DHTKD1: variants seen among roughly 807,000 people sequenced by gnomAD.
The protein encoded by DHTKD1 is 2-oxoadipate dehydrogenase complex component E1.
DHTKD1 carries 78 observed loss-of-function variants against 101.8 expected under a neutral mutation model. The ratio of observed to expected loss-of-function variants is 0.77; its 90% CI spans 0.64 to 0.93. The LOEUF (loss-of-function observed/expected upper bound fraction) is 0.93. Among genes scored for constraint, DHTKD1 ranks in the 40% least tolerant of loss-of-function variants. The probability of loss-of-function intolerance (pLI) is 0.00; values close to 1 mark genes in which losing one functional copy is unlikely to be tolerated. For missense variants in DHTKD1, 1,223 were observed against 1,161.7 expected, an observed-to-expected ratio of 1.05 and a Z score of -0.77; for synonymous variants, 462 against 450.3, an observed-to-expected ratio of 1.03 and a Z score of -0.33.
At chr10:12,069,708 T>TCC (rs1832625340) in intron 1 of DHTKD1, among the ~76,000 whole-genome samples, 2 of 139,004 alleles carry the variant, frequency 1.4e-5, no homozygotes, top group African/African-American at 5.3e-5. Context: ...TTTTTTTTTT[T>TCC]TTCATTTTTA....
intron 1 of DHTKD1, among the ~76,000 whole-genome samples, chr10:12,070,258 C>T (rs767382992): frequency 1.3e-5 from 2 of 152,092 alleles, no homozygotes; most frequent in African/African-American, 2.4e-5. Flanking sequence ...GGTTTACGCT[C>T]CAAAATTATT....
At chr10:12,095,270 T>C (rs1255169692) in intron 7 of DHTKD1, among the ~76,000 whole-genome samples, 1 of 152,186 alleles carries the variant, frequency 6.6e-6, no homozygotes, top group Non-Finnish European at 1.5e-5. Flanking sequence ...GTAAGGATAA[T>C]ACACACACCA....
At chr10:12,114,399 C>G (rs980469649) in intron 13 of DHTKD1, among the ~76,000 whole-genome samples, 2 of 151,636 alleles carry the variant, frequency 1.3e-5, no homozygotes, top group Non-Finnish European at 2.9e-5. Context: ...CGGGTTCAAG[C>G]GATTCTCCTG....
chr10:12,113,631 T>C (rs1170546035), intron 13 of DHTKD1, among the ~76,000 whole-genome samples: 1 of 152,182 alleles, frequency 6.6e-6, no homozygotes, highest in Non-Finnish European at 1.5e-5. Flanking sequence ...TTAGAAAAGC[T>C]TTTAGGCTAT....
At chr10:12,071,538 G>A (rs755989806) in intron 1 of DHTKD1, among the ~76,000 whole-genome samples, 3 of 152,172 alleles carry the variant, frequency 2.0e-5, no homozygotes, top group Non-Finnish European at 4.4e-5. Context: ...TTGGGAGGCC[G>A]AGGTGGGCGG....
intron 2 of DHTKD1, among the ~76,000 whole-genome samples, chr10:12,083,776 GGCAT>G (rs1381471598): frequency 2.0e-5 from 3 of 152,138 alleles, no homozygotes; most frequent in African/African-American, 7.2e-5. Flanking sequence ...AACAAAACTT[GGCAT>G]AAAGCAGCAG....
intron 7 of DHTKD1, among the ~76,000 whole-genome samples, chr10:12,096,917 T>C (rs1220364031): frequency 2.0e-5 from 3 of 152,228 alleles, no homozygotes. Context: ...GGGTCAGTCT[T>C]GGAAATAATT....
chr10:12,113,466 G>A (rs1833368216), intron 13 of DHTKD1, among the ~76,000 whole-genome samples: 1 of 152,176 alleles, frequency 6.6e-6, no homozygotes, highest in Non-Finnish European at 1.5e-5. Flanking sequence ...CCAAAGTGCT[G>A]GGATTGCAGG....
chr10:12,085,926 A>G (rs1832890427), intron 3 of DHTKD1, among the ~76,000 whole-genome samples: 1 of 152,116 alleles, frequency 6.6e-6, no homozygotes, highest in South Asian at 2.1e-4. Flanking sequence ...ATAAAAAAAC[A>G]TAGTTCTTAA....
intron 2 of DHTKD1, 130 bp downstream of exon 2, chr10:12,081,757 T>C (rs2131352435): frequency 1.0e-6 from 1 of 970,706 alleles, no homozygotes; most frequent in Non-Finnish European, 1.5e-6. Context: ...CCGAGGGGCA[T>C]GTTGAAGTAC....
intron 2 of DHTKD1, among the ~76,000 whole-genome samples, chr10:12,082,616 CTTT>C (rs71382616): frequency 6.9e-6 from 1 of 144,946 alleles, no homozygotes; most frequent in Non-Finnish European, 1.5e-5. Context: ...TCTCTTTTTT[CTTT>C]TTTTTTTTTG....
At chr10:12,098,088 T>C in intron 8 of DHTKD1, 92 bp downstream of exon 8, 1 of 1,204,502 alleles carries the variant, frequency 8.3e-7, no homozygotes, top group Non-Finnish European at 1.2e-6. Context: ...GTCTGATTCA[T>C]TTGACAAATA....
chr10:12,100,288 T>TTTTTTTTTTG, intron 9 of DHTKD1, 26 bp downstream of exon 9: 5 of 698,758 alleles, frequency 7.2e-6, no homozygotes, highest in Non-Finnish European at 6.2e-6. Flanking sequence ...TTTTTTTCTG[T>TTTTTTTTTTG]TTTTTTTTTT....
chr10:12,119,628 A>G (rs1049274748), intron 15 of DHTKD1, among the ~76,000 whole-genome samples: 9 of 151,342 alleles, frequency 5.9e-5, no homozygotes, highest in Non-Finnish European at 1.3e-4. Context: ...AAAAAAAAAA[A>G]AAAAAAAGAA....
intron 1 of DHTKD1, among the ~76,000 whole-genome samples, chr10:12,070,387 G>C (rs1832634912): frequency 6.6e-6 from 1 of 152,076 alleles, no homozygotes; most frequent in Non-Finnish European, 1.5e-5. Context: ...TCGGCATCTG[G>C]GCACCTGACC....
intron 7 of DHTKD1, among the ~76,000 whole-genome samples, chr10:12,094,868 C>T (rs559218402): frequency 1.5e-4 from 23 of 150,854 alleles, no homozygotes; most frequent in Middle Eastern, 3.6e-3. Context: ...CTCAAACTCC[C>T]GGTCTCAAGT....
rs1468339176 is a variant in DHTKD1, at chr10:12,097,913, C to T, written c.1588C>T (p.Leu530Phe). ...TTWSTGVPLDLLRFVGMKSVE... is the reference protein window; with the variant it reads ...TTWSTGVPLDFLRFVGMKSVE... The stretch of plus-strand genomic sequence containing the variant: ...CTGGAGTACAGGTGTGCCCCTCGAC[C>T]TCCTGCGGTTTGTTGGCATGAAGTC... Residue 530 changes from leucine (L) to phenylalanine (F), a missense_variant, in exon 8 of 17, where the codon CTC becomes TTC. Leu to Phe is a conservative substitution (Grantham distance 22, BLOSUM62 0). Coordinates refer to ENST00000263035, the MANE Select transcript of DHTKD1 (RefSeq NM_018706.7). 3 of 1,614,092 alleles carry T rather than the reference C, an allele frequency of 1.9e-6. No individual in the cohort carries two copies. The highest frequency in any genetic ancestry group is 2.2e-5 in the East Asian group (1 of 44,898).
At position 12,081,767 on chromosome 10, in the gene DHTKD1, C is replaced by T. The variant is rs778225434; in HGVS notation, c.310+140C>T. On this transcript the variant is annotated intron_variant, in intron 2 of 16. Transcript: ENST00000263035. ...GAGACCCGAGGGGCATGTTGAAGTA[C>T]GGTCCGGGAGGAGCATTCTTGGGAT... 2.1e-4 allele frequency: 182 copies of T among 859,026 alleles called. 1 individual carries two copies. The highest frequency in any genetic ancestry group is 2.9e-4 in the Non-Finnish European group (164 of 562,640). 53.2% of individuals were successfully genotyped at this position (859,026 alleles called of 1,614,324 possible).
At chr10:12,105,716 C>T (rs1463924415) in intron 10 of DHTKD1, among the ~76,000 whole-genome samples, 1 of 152,140 alleles carries the variant, frequency 6.6e-6, no homozygotes, top group African/African-American at 2.4e-5. Context: ...TACCCATATT[C>T]CAGCCTCTTT....
Sources: allele counts gnomAD v4.1 joint callset (sites outside exome capture counted in the v4.1 genomes callset), GRCh38; gene constraint gnomAD v4.1.1; transcripts MANE v1.5; gene names NCBI Gene and HGNC (gene_info 2026-07-23, HGNC 2026-07-21).